The following SGCZ variants were observed in gnomAD, a reference collection of about 807,000 sequenced individuals.
SGCZ encodes the protein sarcoglycan zeta, also known as zeta-sarcoglycan.
A neutral mutation model predicts 41.3 loss-of-function variants in SGCZ; 40 were observed. The ratio of observed to expected loss-of-function variants is 0.97; its 90% CI spans 0.75 to 1.26. The LOEUF (loss-of-function observed/expected upper bound fraction) is 1.26. Among genes scored for constraint, SGCZ ranks in the 50% most tolerant of loss-of-function variants. The pLI, the probability that SGCZ is intolerant of heterozygous loss-of-function variation, is 0.00. For synonymous variants in SGCZ, 206 were observed against 137.5 expected, an observed-to-expected ratio of 1.50 and a Z score of -3.49; for missense variants, 552 against 369.8, an observed-to-expected ratio of 1.49 and a Z score of -4.04.
intron 1 of SGCZ, among the ~76,000 whole-genome samples, chr8:15,200,475 G>C (rs997027708): frequency 1.3e-5 from 2 of 152,120 alleles, no homozygotes; most frequent in African/African-American, 4.8e-5. Context: ...ACTGACAGGA[G>C]ATATCTGGAG....
intron 1 of SGCZ, among the ~76,000 whole-genome samples, chr8:14,824,723 C>G (rs1012091031): frequency 6.6e-6 from 1 of 152,046 alleles, no homozygotes; most frequent in Non-Finnish European, 1.5e-5. Context: ...ACTGCCTATG[C>G]TACCTTGAGC....
chr8:14,359,960 C>A (rs977192830), intron 2 of SGCZ, among the ~76,000 whole-genome samples: 5 of 152,084 alleles, frequency 3.3e-5, no homozygotes, highest in Non-Finnish European at 5.9e-5. Flanking sequence ...CATGGTTCAA[C>A]ATATGCAAAT....
intron 2 of SGCZ, among the ~76,000 whole-genome samples, chr8:14,496,130 A>G (rs1346534811): frequency 1.0e-5 from 1 of 98,328 alleles, no homozygotes; most frequent in Non-Finnish European, 2.3e-5. Flanking sequence ...CAGTGGCGTG[A>G]TCATGGCTCA....
chr8:14,116,205 A>C, intron 5 of SGCZ, among the ~76,000 whole-genome samples: 1 of 152,194 alleles, frequency 6.6e-6, no homozygotes, highest in South Asian at 2.1e-4. Flanking sequence ...ACTCTGAAAA[A>C]CAAAATATTG....
At chr8:14,368,640 A>C (rs1370223638) in intron 2 of SGCZ, among the ~76,000 whole-genome samples, 1 of 151,696 alleles carries the variant, frequency 6.6e-6, no homozygotes, top group Non-Finnish European at 1.5e-5. Flanking sequence ...TTGAAAGAGC[A>C]CTCCAGTAAA....
At chr8:14,588,900 G>A (rs1256097077) in intron 1 of SGCZ, among the ~76,000 whole-genome samples, 1 of 152,040 alleles carries the variant, frequency 6.6e-6, no homozygotes, top group Non-Finnish European at 1.5e-5. Flanking sequence ...AATTATAATC[G>A]ATACTACCTC....
chr8:15,113,521 T>C (rs769550171), intron 1 of SGCZ, among the ~76,000 whole-genome samples: 12 of 152,114 alleles, frequency 7.9e-5, no homozygotes, highest in Admixed American at 3.9e-4. Context: ...CCAAATGCAA[T>C]ACTCTCCTTT....
At chr8:14,669,357 C>CTAAATAAGTAAGTAAGTAAGTAAG (rs1808021889) in intron 1 of SGCZ, among the ~76,000 whole-genome samples, 1 of 146,488 alleles carries the variant, frequency 6.8e-6, no homozygotes, top group African/African-American at 2.6e-5. Flanking sequence ...GACCCTGTCT[C>CTAAATAAGTAAGTAAGTAAGTAAG]TAAGTAAGTA....
chr8:14,295,779 A>C (rs2116957449), intron 3 of SGCZ, among the ~76,000 whole-genome samples: 1 of 152,270 alleles, frequency 6.6e-6, no homozygotes, highest in South Asian at 2.1e-4. Flanking sequence ...CAACCAATAG[A>C]TTGAATGAAA....
At chr8:14,909,421 C>G (rs1354504476) in intron 1 of SGCZ, among the ~76,000 whole-genome samples, 1 of 152,074 alleles carries the variant, frequency 6.6e-6, no homozygotes, top group African/African-American at 2.4e-5. Context: ...ATTTCTCTTA[C>G]TGAATAGAAT....
At chr8:15,141,444 A>G (rs1286341393) in intron 1 of SGCZ, among the ~76,000 whole-genome samples, 1 of 152,248 alleles carries the variant, frequency 6.6e-6, no homozygotes, top group South Asian at 2.1e-4. Flanking sequence ...TATGTTTTAA[A>G]AAGATGTCCA....
chr8:14,976,788 T>C (rs1420540610), intron 1 of SGCZ, among the ~76,000 whole-genome samples: 1 of 152,198 alleles, frequency 6.6e-6, no homozygotes, highest in African/African-American at 2.4e-5. Flanking sequence ...AATTCATGAA[T>C]TACAGAACAT....
chr8:14,708,335 C>G (rs1484970015), intron 1 of SGCZ, among the ~76,000 whole-genome samples: 1 of 151,604 alleles, frequency 6.6e-6, no homozygotes, highest in African/African-American at 2.4e-5. Context: ...TAGTAAATAT[C>G]TATTATTTGT....
At position 14,087,755 on chromosome 8, in the gene SGCZ, C is replaced by T. The variant is rs866636849; in HGVS notation, c.*2688G>A. On this transcript the variant is annotated 3_prime_UTR_variant, in exon 8 of 8. Coordinates refer to ENST00000382080, the MANE Select transcript of SGCZ (RefSeq NM_139167.4). Reference sequence around the variant, plus strand: ...CTTTTTTGTGTTTGAATGTGGAAAACGAGGACATTTGGGGCCATTCTTCTA... The same window carrying T: ...CTTTTTTGTGTTTGAATGTGGAAAATGAGGACATTTGGGGCCATTCTTCTA... 6.0e-5 allele frequency among the ~76,000 whole-genome samples: 9 copies of T among 150,892 alleles called. No individual in the cohort carries two copies. Among genetic ancestry groups the T allele is most frequent in the African/African-American group, 7.3e-5 (3 of 41,158 alleles).
intron 1 of SGCZ, among the ~76,000 whole-genome samples, chr8:14,602,773 C>T (rs1298017179): frequency 6.6e-6 from 1 of 152,178 alleles, no homozygotes; most frequent in East Asian, 1.9e-4. Flanking sequence ...GGAATTTAAG[C>T]ATTTGAGAGT....
At chr8:14,200,776 T>C (rs988450871) in intron 4 of SGCZ, among the ~76,000 whole-genome samples, 2 of 152,160 alleles carry the variant, frequency 1.3e-5, no homozygotes, top group African/African-American at 2.4e-5. Context: ...CAAAGTATGA[T>C]GCATTCTAAA....
chr8:15,015,340 ATTAT>A (rs1802985386), intron 1 of SGCZ, among the ~76,000 whole-genome samples: 1 of 152,154 alleles, frequency 6.6e-6, no homozygotes, highest in African/African-American at 2.4e-5. Flanking sequence ...TGATAGATGG[ATTAT>A]TTATGAATGT....
At chr8:15,146,523 T>C (rs1799041290) in intron 1 of SGCZ, among the ~76,000 whole-genome samples, 1 of 152,208 alleles carries the variant, frequency 6.6e-6, no homozygotes, top group Non-Finnish European at 1.5e-5. Flanking sequence ...TACAAGAATG[T>C]ACCACTGTAC....
At chr8:14,754,610 T>A (rs1321714093) in intron 1 of SGCZ, among the ~76,000 whole-genome samples, 1 of 152,226 alleles carries the variant, frequency 6.6e-6, no homozygotes, top group Non-Finnish European at 1.5e-5. Context: ...AATTGTAGAA[T>A]AGCATTTGAA....
Sources: gnomAD v4.1 joint callset for allele counts (sites outside exome capture counted in the v4.1 genomes callset) on GRCh38, gnomAD v4.1.1 for gene constraint, MANE v1.5 for transcripts, NCBI Gene and HGNC (gene_info 2026-07-23, HGNC 2026-07-21) for gene names.